The following FRMD4B variants were observed in gnomAD, a reference collection of about 807,000 sequenced individuals.
The protein encoded by FRMD4B is FERM domain-containing protein 4B.
Under a neutral mutation model 141.5 loss-of-function variants are expected in FRMD4B, and 74 were observed. The observed-to-expected ratio is 0.52, with a 90% CI of 0.43 to 0.63. FRMD4B has a LOEUF of 0.63. Ranked by LOEUF, FRMD4B falls within the 30% of genes least tolerant of loss-of-function variation. The pLI is 0.00. For missense variants in FRMD4B, 1,366 were observed against 1,253.4 expected, an observed-to-expected ratio of 1.09 and a Z score of -1.36; for synonymous variants, 506 against 467.9, an observed-to-expected ratio of 1.08 and a Z score of -1.05.
At chr3:69,393,668 T>C (rs1157151581) in intron 2 of FRMD4B, among the ~76,000 whole-genome samples, 1 of 152,212 alleles carries the variant, frequency 6.6e-6, no homozygotes, top group Non-Finnish European at 1.5e-5. Flanking sequence ...CACCATTTTT[T>C]TTCTATACTT....
rs754467926 is a variant in FRMD4B at position 69,497,077 on chromosome 3, T to A, written c.-129+45129A>T. Among the ~76,000 whole-genome samples the A allele has an allele frequency of 2.6e-5, 4 of 152,052 alleles. No homozygotes were observed. The East Asian group carries it at 7.7e-4, about 29-fold the overall frequency. On this transcript the variant is annotated intron_variant, in intron 1 of 5. Transcript: ENST00000459638. ...ATAGGCTGTGGAAAGCAATGACATATGCTGTATCCAAGCAGAAGCTTTAAG... is the reference window on the plus strand; with the variant it reads ...ATAGGCTGTGGAAAGCAATGACATAAGCTGTATCCAAGCAGAAGCTTTAAG...
intron 1 of FRMD4B, among the ~76,000 whole-genome samples, chr3:69,437,898 T>C (rs1156842140): frequency 1.5e-5 from 2 of 133,190 alleles, no homozygotes; most frequent in African/African-American, 2.9e-5. Flanking sequence ...ATATAATATA[T>C]ACTATTATTG....
At chr3:69,203,320 C>CAAAA (rs796607832) in intron 11 of FRMD4B, among the ~76,000 whole-genome samples, 127 of 107,774 alleles carry the variant, frequency 1.2e-3, no homozygotes, top group African/African-American at 4.1e-3. Flanking sequence ...CAAACTTCAG[C>CAAAA]AAAAAAAAAA....
intron 4 of FRMD4B, among the ~76,000 whole-genome samples, chr3:69,301,015 C>A (rs535549424): frequency 5.3e-5 from 8 of 152,076 alleles, no homozygotes; most frequent in African/African-American, 1.7e-4. Flanking sequence ...GGATTACAGG[C>A]GTGAGCCACC....
At chr3:69,534,566 C>T (rs1341031413) in intron 1 of FRMD4B, among the ~76,000 whole-genome samples, 1 of 152,218 alleles carries the variant, frequency 6.6e-6, no homozygotes, top group East Asian at 1.9e-4. Context: ...ATGCATTTGT[C>T]TTCAAGACAG....
intron 7 of FRMD4B, among the ~76,000 whole-genome samples, chr3:69,225,713 AAAAAAAAAAAAAAAAG>A (rs2093247142): frequency 1.3e-5 from 1 of 77,280 alleles, no homozygotes; most frequent in African/African-American, 4.0e-5. Context: ...AAAAAAAAAA[AAAAAAAAAAAAAAAAG>A]AGGGAGAACA....
At chr3:69,450,174 T>C (rs1397276920) in intron 1 of FRMD4B, among the ~76,000 whole-genome samples, 1 of 152,238 alleles carries the variant, frequency 6.6e-6, no homozygotes, top group African/African-American at 2.4e-5. Context: ...TTAGCCATCA[T>C]GATTATATAC....
chr3:69,310,567 C>CAGACAA (rs1701546702), intron 3 of FRMD4B: 1 of 242,428 alleles, frequency 4.1e-6, no homozygotes, highest in East Asian at 1.3e-4. Context: ...CACACACACA[C>CAGACAA]ACACACACAC....
chr3:69,536,230 G>A (rs1701082777), intron 1 of FRMD4B: 1 of 602,084 alleles, frequency 1.7e-6, no homozygotes, highest in African/African-American at 1.9e-5. Context: ...TTGGTTTCTT[G>A]GCGTCCTTCC....
chr3:69,529,417 G>A (rs1043105560), intron 1 of FRMD4B, among the ~76,000 whole-genome samples: 3 of 152,124 alleles, frequency 2.0e-5, no homozygotes, highest in African/African-American at 7.2e-5. Flanking sequence ...TAGATAAGGA[G>A]ACCAAGGCCC....
chr3:69,337,711 C>T (rs77487967), intron 1 of FRMD4B, among the ~76,000 whole-genome samples: 43,279 of 152,148 alleles, frequency 0.28, 6,670 homozygotes, highest in Admixed American at 0.34. Flanking sequence ...AAAGAATGCT[C>T]ATCATCACTG....
intron 18 of FRMD4B, among the ~76,000 whole-genome samples, chr3:69,188,919 CT>C (rs1165614259): frequency 2.0e-5 from 3 of 151,582 alleles, no homozygotes; most frequent in Admixed American, 2.0e-4. Flanking sequence ...TAAACCCATT[CT>C]ATAATGGAAT....
At chr3:69,381,289 C>G (rs1315343159) in intron 1 of FRMD4B, among the ~76,000 whole-genome samples, 1 of 152,164 alleles carries the variant, frequency 6.6e-6, no homozygotes, top group African/African-American at 2.4e-5. Flanking sequence ...GAAATTATGC[C>G]TTCCTAGCTT....
intron 20 of FRMD4B, among the ~76,000 whole-genome samples, chr3:69,181,973 G>C (rs1365339592): frequency 6.6e-6 from 1 of 152,050 alleles, no homozygotes; most frequent in Non-Finnish European, 1.5e-5. Context: ...GGTAGGGAAA[G>C]ACACAGACTG....
chr3:69,393,178 T>C (rs1704414921), intron 2 of FRMD4B, among the ~76,000 whole-genome samples: 1 of 152,152 alleles, frequency 6.6e-6, no homozygotes, highest in African/African-American at 2.4e-5. Context: ...ATTCTTTGGC[T>C]TCAGCAAACT....
chr3:69,227,076 A>T (rs188185455), intron 7 of FRMD4B, among the ~76,000 whole-genome samples: 21 of 152,356 alleles, frequency 1.4e-4, no homozygotes, highest in Non-Finnish European at 2.8e-4. Flanking sequence ...ATTTATTGAA[A>T]GATGAAGTTT....
intron 1 of FRMD4B, among the ~76,000 whole-genome samples, chr3:69,349,828 G>A (rs11716108): frequency 0.99 from 151,278 of 152,168 alleles, 75,205 homozygotes; most frequent in East Asian, 1. Flanking sequence ...TTAATTCAAG[G>A]TGGATTAAAG....
At chr3:69,453,783 A>C (rs751488330) in intron 1 of FRMD4B, among the ~76,000 whole-genome samples, 1 of 152,230 alleles carries the variant, frequency 6.6e-6, no homozygotes, top group Non-Finnish European at 1.5e-5. Context: ...CTAAGGTGAA[A>C]TGGAGTAAGG....
chr3:69,278,040 G>A (rs978357900), intron 5 of FRMD4B, among the ~76,000 whole-genome samples: 1 of 151,102 alleles, frequency 6.6e-6, no homozygotes, highest in Non-Finnish European at 1.5e-5. Context: ...ATTTTTAGTA[G>A]AGATGGAGTT....
Sources: gnomAD v4.1 joint callset for allele counts (sites outside exome capture counted in the v4.1 genomes callset) on GRCh38, gnomAD v4.1.1 for gene constraint, MANE v1.5 for transcripts, NCBI Gene and HGNC (gene_info 2026-07-23, HGNC 2026-07-21) for gene names.